Variants in C17orf67 observed in about 807,000 individuals in gnomAD.
C17orf67 encodes the protein uncharacterized protein C17orf67.
C17orf67 carries 12 observed loss-of-function variants against 11.2 expected under a neutral mutation model. The ratio of observed to expected loss-of-function variants is 1.07; its 90% CI spans 0.68 to 1.73. The LOEUF (loss-of-function observed/expected upper bound fraction) is 1.73. C17orf67 is among the 40% of genes most tolerant of loss of function. C17orf67 has a pLI of 0.00. For synonymous variants in C17orf67, 59 were observed against 46.9 expected (o/e 1.26, Z -1.05); for missense variants, 115 against 113.5 (o/e 1.01, Z -0.06).
chr17:56,815,744 G>A lies in C17orf67; in HGVS notation c.55+12C>T. ...AGCATAGAAATAGGCTGTTTTTGGAGTCAGTGCCCACCTGAGAAGACAGTC... is the reference window on the plus strand; with the variant it reads ...AGCATAGAAATAGGCTGTTTTTGGAATCAGTGCCCACCTGAGAAGACAGTC... On this transcript the variant is annotated intron_variant, in intron 5 of 7. Transcript: ENST00000397861. The A allele has an allele frequency of 6.3e-7, 1 of 1,592,184 alleles. No homozygotes were observed. The highest frequency in any genetic ancestry group is 8.6e-7 in the Non-Finnish European group (1 of 1,165,624).
chr17:56,820,029 A>G (rs537849073), intron 4 of C17orf67, among the ~76,000 whole-genome samples: 1 of 152,346 alleles, frequency 6.6e-6, no homozygotes, highest in South Asian at 2.1e-4. Flanking sequence ...GTACTATTGA[A>G]GGCATTCATC....
intron 2 of C17orf67, among the ~76,000 whole-genome samples, chr17:56,831,810 G>C (rs1439274478): frequency 6.6e-6 from 1 of 152,100 alleles, no homozygotes; most frequent in Non-Finnish European, 1.5e-5. Flanking sequence ...TCCCCTCCTT[G>C]ACCAAGCTCT....
At chr17:56,815,008 T>C (rs761794985) in intron 5 of C17orf67, 39 bp from the exon 6 acceptor site, 10 of 1,538,778 alleles carry the variant, frequency 6.5e-6, no homozygotes, top group Middle Eastern at 1.7e-4. Context: ...ACACTCAGGC[T>C]CAGGAGTTCA....
intron 2 of C17orf67, among the ~76,000 whole-genome samples, chr17:56,830,499 T>C (rs1906169984): frequency 6.6e-6 from 1 of 152,214 alleles, no homozygotes; most frequent in Non-Finnish European, 1.5e-5. Flanking sequence ...ATGGAGATGG[T>C]TTTATTTCAC....
At chr17:56,804,234 T>G (rs761098831) in intron 6 of C17orf67, 10 of 152,200 alleles carry the variant, frequency 6.6e-5, no homozygotes, top group Non-Finnish European at 1.3e-4. Flanking sequence ...GGTGTGATAA[T>G]GAACTTAAAT....
At chr17:56,820,050 G>A (rs1422078104) in intron 4 of C17orf67, among the ~76,000 whole-genome samples, 1 of 152,184 alleles carries the variant, frequency 6.6e-6, no homozygotes, top group African/African-American at 2.4e-5. Flanking sequence ...AGATGTTGTG[G>A]CCTAGGAAAG....
At chr17:56,803,314 G>A (rs1905369429) in intron 6 of C17orf67, among the ~76,000 whole-genome samples, 1 of 152,236 alleles carries the variant, frequency 6.6e-6, no homozygotes, top group Non-Finnish European at 1.5e-5. Flanking sequence ...GAACTTCCCA[G>A]AGGAAACCAG....
chr17:56,800,850 TG>T (rs1160356320), intron 6 of C17orf67, among the ~76,000 whole-genome samples: 1 of 152,182 alleles, frequency 6.6e-6, no homozygotes, highest in Non-Finnish European at 1.5e-5. Flanking sequence ...TACTGTTTAG[TG>T]GAGGTCGTAG....
chr17:56,799,589 C>A (rs972699246), intron 6 of C17orf67, among the ~76,000 whole-genome samples: 10 of 152,166 alleles, frequency 6.6e-5, no homozygotes, highest in African/African-American at 2.4e-4. Context: ...TGGGTAAACA[C>A]CAGGGAGTGT....
intron 7 of C17orf67, among the ~76,000 whole-genome samples, chr17:56,794,601 G>A (rs989191570): frequency 2.0e-5 from 3 of 152,166 alleles, no homozygotes; most frequent in Non-Finnish European, 4.4e-5. Flanking sequence ...AAGGCTGCAG[G>A]AAGGCAGTAG....
At chr17:56,817,070 G>A (rs182484510) in intron 4 of C17orf67, among the ~76,000 whole-genome samples, 2 of 152,146 alleles carry the variant, frequency 1.3e-5, no homozygotes, top group Non-Finnish European at 2.9e-5. Flanking sequence ...TGACCAGGTT[G>A]GTTTCAAACT....
chr17:56,809,045 G>A (rs1409810836), intron 6 of C17orf67, among the ~76,000 whole-genome samples: 1 of 151,994 alleles, frequency 6.6e-6, no homozygotes, highest in Admixed American at 6.6e-5. Flanking sequence ...GTGAGGGTAT[G>A]TGGCTCTGTT....
intron 6 of C17orf67, among the ~76,000 whole-genome samples, chr17:56,797,755 C>A (rs1464387341): frequency 2.0e-5 from 3 of 152,152 alleles, no homozygotes; most frequent in African/African-American, 7.2e-5. Flanking sequence ...TCGTGCTCTG[C>A]CCTTTATCAA....
intron 6 of C17orf67, among the ~76,000 whole-genome samples, chr17:56,804,954 T>C (rs1905409708): frequency 6.6e-6 from 1 of 152,190 alleles, no homozygotes; most frequent in African/African-American, 2.4e-5. Context: ...AGCAGAGCTA[T>C]ATCCCACAAA....
intron 6 of C17orf67, among the ~76,000 whole-genome samples, chr17:56,797,119 T>C (rs1181771014): frequency 6.6e-6 from 1 of 152,178 alleles, no homozygotes; most frequent in African/African-American, 2.4e-5. Flanking sequence ...TGTTAATCTC[T>C]ATGCTTCTCA....
chr17:56,816,051 G>A, intron 4 of C17orf67, 41 bp from the exon 5 acceptor site: 1 of 624,556 alleles, frequency 1.6e-6, no homozygotes, highest in Non-Finnish European at 2.5e-6. Flanking sequence ...GACTTTCAGA[G>A]CTTGAATCTG....
chr17:56,795,915 G>A (rs777311297), intron 6 of C17orf67, among the ~76,000 whole-genome samples: 8 of 152,164 alleles, frequency 5.3e-5, no homozygotes, highest in Non-Finnish European at 8.8e-5. Flanking sequence ...CATTTATAGT[G>A]TGACACTATT....
chr17:56,833,517 C>T (rs1393291620), intron 1 of C17orf67, 101 bp downstream of exon 1: 3 of 150,152 alleles, frequency 2.0e-5, no homozygotes, highest in Non-Finnish European at 4.5e-5. Flanking sequence ...TCAGCGGCGA[C>T]GAGCGGGCGG....
chr17:56,810,581 A>G (rs1905599180), intron 6 of C17orf67, among the ~76,000 whole-genome samples: 1 of 152,248 alleles, frequency 6.6e-6, no homozygotes, highest in Admixed American at 6.5e-5. Context: ...TTCTTGGCCT[A>G]CACTCAGAAA....
Sources: gnomAD v4.1 joint callset for allele counts (sites outside exome capture counted in the v4.1 genomes callset) on GRCh38, gnomAD v4.1.1 for gene constraint, MANE v1.5 for transcripts, NCBI Gene and HGNC (gene_info 2026-07-23, HGNC 2026-07-21) for gene names.